Variants in DDX18 observed in about 807,000 individuals in gnomAD.
DDX18 encodes the protein ATP-dependent RNA helicase DDX18.
In DDX18, 23 loss-of-function variants were observed where a neutral mutation model predicts 73.5. The ratio of observed to expected loss-of-function variants is 0.31; its 90% CI spans 0.23 to 0.44. DDX18 has a LOEUF of 0.44. DDX18 is among the 20% of genes least tolerant of loss of function. The pLI, the probability that DDX18 is intolerant of heterozygous loss-of-function variation, is 1.00. For missense variants in DDX18, 753 were observed against 792.9 expected, an observed-to-expected ratio of 0.95 and a Z score of 0.60; for synonymous variants, 268 against 282.7, an observed-to-expected ratio of 0.95 and a Z score of 0.52.
chr2:117,831,260 A>G lies in DDX18; in HGVS notation c.*536A>G, dbSNP rs2104628899. 6.6e-6 allele frequency: 1 copy of G among 152,432 alleles called. No individual in the cohort carries two copies. The allele number at this position is 152,432 out of a possible 1,614,324, so 9.4% of individuals were successfully genotyped here. A position where few individuals can be genotyped will look rare whatever the true frequency, so the allele number is the denominator to read the frequency against. On this transcript the variant is annotated 3_prime_UTR_variant, in exon 14 of 14. Coordinates refer to ENST00000263239, the MANE Select transcript of DDX18 (RefSeq NM_006773.4). ...GAGCAAAGAGCTTTGGGAAATACCTAAGAAGCACCTTAAGATTAGGGTGGC... is the reference window on the plus strand; with the variant it reads ...GAGCAAAGAGCTTTGGGAAATACCTGAGAAGCACCTTAAGATTAGGGTGGC...
intron 11 of DDX18, chr2:117,827,238 C>G (rs149306730): frequency 5.3e-5 from 8 of 152,354 alleles, no homozygotes; most frequent in East Asian, 1.9e-4. Context: ...TGCTTGGTTT[C>G]AGCTCGCCTC....
At chr2:117,825,658 TC>T in intron 10 of DDX18, 59 bp downstream of exon 10, 2 of 1,582,166 alleles carry the variant, frequency 1.3e-6, no homozygotes, top group Non-Finnish European at 1.7e-6. Context: ...TCACTTATTC[TC>T]CCAGTTCCCT....
At position 117,821,244 on chromosome 2, in the gene DDX18, A is replaced by G; in HGVS notation, c.598A>G (p.Thr200Ala). Residue 200 changes from threonine to alanine, a missense_variant, in exon 4 of 14, where the codon ACA becomes GCA. Thr to Ala is a moderately conservative substitution (Grantham distance 58). Transcript: ENST00000263239. ...TLKAIKEMGF[T>A]NMTEIQHKSI... ...GAAGGCAATAAAAGAAATGGGTTTTACAAACATGACTGAAATTCAGCATAA... is the reference window on the plus strand; with the variant it reads ...GAAGGCAATAAAAGAAATGGGTTTTGCAAACATGACTGAAATTCAGCATAA... 1 of 1,612,258 alleles carries G rather than the reference A, an allele frequency of 6.2e-7. No individual in the cohort carries two copies. The highest frequency in any genetic ancestry group is 8.5e-7 in the Non-Finnish European group (1 of 1,179,252).
At chr2:117,821,546 C>A in intron 4 of DDX18, 104 bp from the exon 5 acceptor site, 1 of 1,290,836 alleles carries the variant, frequency 7.7e-7, no homozygotes, top group Non-Finnish European at 1.1e-6. Context: ...GCACTGTAGA[C>A]GTTTCTTGTT....
intron 1 of DDX18, among the ~76,000 whole-genome samples, chr2:117,816,647 T>C (rs981332483): frequency 6.6e-6 from 1 of 152,176 alleles, no homozygotes; most frequent in African/African-American, 2.4e-5. Flanking sequence ...AACTCTAAAA[T>C]GATGATCAAA....
chr2:117,829,239 GGTTTTTGTTT>G, intron 12 of DDX18, 40 bp from the exon 13 acceptor site: 2 of 1,532,618 alleles, frequency 1.3e-6, no homozygotes, highest in African/African-American at 1.4e-5. Flanking sequence ...GTGTTTTGGA[GGTTTTTGTTT>G]GTTTTTGTTT....
Position 117,817,710 on chromosome 2 carries a change from G to A in DDX18, c.352G>A (p.Val118Met). The change falls in exon 2 of 14, where the codon GTG (valine) becomes ATG (methionine). Residue 118 changes from valine to methionine, a missense_variant. Coordinates refer to ENST00000263239, the MANE Select transcript of DDX18 (RefSeq NM_006773.4). Reference protein sequence around the residue: ...KKKKKKKRKMVNDAEPDTKKA... With the variant: ...KKKKKKKRKMMNDAEPDTKKA... ...GAAAAAGAAGAAAAAGAGAAAAATG[G>A]TGAATGATGCTGAGCCTGGTAGGTA... The A allele has an allele frequency of 6.2e-7, 1 of 1,604,378 alleles. No homozygotes were observed. The highest frequency in any genetic ancestry group is 1.4e-5 in the African/African-American group (1 of 74,052).
Position 117,823,874 on chromosome 2 carries a change from A to G in DDX18, c.1067-695A>G, listed in dbSNP as rs549411753. On this transcript the variant is annotated intron_variant, in intron 7 of 13. Coordinates refer to ENST00000263239, the MANE Select transcript of DDX18 (RefSeq NM_006773.4). ...ATTTTTAATCAGAAATAGATGGTCA[A>G]ATGTTTTTTTTCTGTCTGCTGAAAT... is the stretch of plus-strand genomic sequence containing the variant. Among the ~76,000 whole-genome samples, 4 of 152,308 alleles carry G rather than the reference A, an allele frequency of 2.6e-5. No homozygotes were observed. The East Asian group carries it at 7.7e-4, about 29-fold the overall frequency.
chr2:117,819,228 G>A (rs1028528944), intron 2 of DDX18, among the ~76,000 whole-genome samples: 1 of 152,166 alleles, frequency 6.6e-6, no homozygotes, highest in African/African-American at 2.4e-5. Flanking sequence ...TCCAGTGTAT[G>A]TCAGCCAGGC....
At chr2:117,828,433 A>G (rs921394249) in intron 11 of DDX18, 1 of 152,266 alleles carries the variant, frequency 6.6e-6, no homozygotes, top group African/African-American at 2.4e-5. Context: ...CTGAGGGCAG[A>G]GTCCATGAGT....
At chr2:117,823,996 C>A (rs1679885524) in intron 7 of DDX18, among the ~76,000 whole-genome samples, 1 of 152,116 alleles carries the variant, frequency 6.6e-6, no homozygotes, top group Non-Finnish European at 1.5e-5. Flanking sequence ...TGATCCATTT[C>A]TAGAATAAAC....
At chr2:117,820,955 TG>T (rs1679837006) in intron 3 of DDX18, among the ~76,000 whole-genome samples, 1 of 152,208 alleles carries the variant, frequency 6.6e-6, no homozygotes, top group South Asian at 2.1e-4. Context: ...GTATGGTCTC[TG>T]GACTATAACT....
At chr2:117,826,168 C>T (rs1679924696) in intron 10 of DDX18, 101 bp from the exon 11 acceptor site, 13 of 870,454 alleles carry the variant, frequency 1.5e-5, no homozygotes, top group Non-Finnish European at 2.1e-5. Context: ...CGTGGGACTA[C>T]ACCATCTCAG....
At chr2:117,824,462 A>G in intron 7 of DDX18, 107 bp from the exon 8 acceptor site, 2 of 1,055,636 alleles carry the variant, frequency 1.9e-6, no homozygotes, top group Non-Finnish European at 1.3e-6. Flanking sequence ...CTGTAGAAAC[A>G]TCATATCTCC....
intron 7 of DDX18, 94 bp downstream of exon 7, chr2:117,822,355 T>G: frequency 1.1e-6 from 1 of 932,382 alleles, no homozygotes; most frequent in Non-Finnish European, 1.7e-6. Flanking sequence ...TGCCAGAACT[T>G]TACCATAGCC....
In DDX18 at chr2:117,825,094, C is replaced by A. The variant is rs771378291; in HGVS notation, c.1361C>A (p.Ala454Asp). 1.2e-6 allele frequency: 2 copies of A among 1,607,888 alleles called. No homozygotes were observed. Among genetic ancestry groups the A allele is most frequent in the Admixed American group, 3.4e-5 (2 of 58,324 alleles). The stretch of plus-strand genomic sequence containing the variant: ...AACTACATTGATTTGCCCGTCTTGG[C>A]CATTCATGTAAGTGATGATGATGAG... ...LLNYIDLPVL[A>D]IHGKQKQNKR... The change falls in exon 9 of 14, where the codon GCC (alanine) becomes GAC (aspartate). Residue 454 changes from alanine (A) to aspartate (D), a missense_variant. Ala to Asp is a moderately radical substitution (Grantham distance 126). Around this residue, in one of 3 missense-constraint regions of DDX18, gnomAD observed 402 missense variants for 419.4 expected, o/e 0.96. Transcript: ENST00000263239.
At chr2:117,817,922 A>T (rs1438268966) in intron 2 of DDX18, among the ~76,000 whole-genome samples, 194 bp downstream of exon 2, 1 of 152,212 alleles carries the variant, frequency 6.6e-6, no homozygotes, top group African/African-American at 2.4e-5. Context: ...TTCTCAAAAT[A>T]TTGAGGAATA....
Position 117,819,752 on chromosome 2 carries a change from A to C in DDX18, c.474A>C (p.Glu158Asp). 2 of 1,608,374 alleles carry C rather than the reference A, an allele frequency of 1.2e-6. No individual in the cohort carries two copies. Among genetic ancestry groups the C allele is most frequent in the Non-Finnish European group, 1.7e-6 (2 of 1,178,060 alleles). Reference sequence around the variant, plus strand: ...ATGTGGAGAAGCCAGATAATGATGAAGATGAGAGTGAGGTGCCCAGTCTGC... The same window carrying C: ...ATGTGGAGAAGCCAGATAATGATGACGATGAGAGTGAGGTGCCCAGTCTGC... ...ENNVEKPDND[E>D]DESEVPSLPL... Residue 158 changes from glutamate to aspartate, a missense_variant, in exon 3 of 14, where the codon GAA becomes GAC. Transcript: ENST00000263239.
rs749116514 is a variant in DDX18 at position 117,829,359 on chromosome 2, G to A, written c.1763G>A (p.Arg588Gln). The A allele has an allele frequency of 3.7e-6, 6 of 1,613,850 alleles. No homozygotes were observed. Among genetic ancestry groups the A allele is most frequent in the South Asian group, 1.1e-5 (1 of 91,046 alleles). ...CAGGAAGCATATAAGTCATACATAC[G>A]AGCCTATGATTCCCATTCTCTGAAA... ...SAQEAYKSYIRAYDSHSLKQI... is the reference protein window; with the variant it reads ...SAQEAYKSYIQAYDSHSLKQI... The change falls in exon 13 of 14, where the codon CGA (arginine) becomes CAA (glutamine). Residue 588 changes from arginine (R) to glutamine (Q), a missense_variant. Around this residue, in one of 3 missense-constraint regions of DDX18, gnomAD observed 402 missense variants for 419.4 expected, o/e 0.96. Transcript: ENST00000263239.
Sources: allele counts gnomAD v4.1 joint callset (sites outside exome capture counted in the v4.1 genomes callset), GRCh38; gene constraint gnomAD v4.1.1; regional missense constraint gnomAD v4.1.1; transcripts MANE v1.5; gene names NCBI Gene and HGNC (gene_info 2026-07-23, HGNC 2026-07-21).